The following PPIL3 variants were observed in gnomAD, a reference collection of about 807,000 sequenced individuals.
The protein encoded by PPIL3 is peptidyl-prolyl cis-trans isomerase-like 3.
A neutral mutation model predicts 20.9 loss-of-function variants in PPIL3; 13 were observed. The ratio of observed to expected loss-of-function variants is 0.62; its 90% CI spans 0.40 to 0.99. The LOEUF (loss-of-function observed/expected upper bound fraction) is 0.99, where lower values mean the gene tolerates loss of function less well. Ranked by LOEUF, PPIL3 falls within the 50% of genes least tolerant of loss-of-function variation. The pLI is 0.00. For synonymous variants in PPIL3, 71 were observed against 64.4 expected (o/e 1.10, Z -0.49); for missense variants, 170 against 195.2 (o/e 0.87, Z 0.77).
intron 3 of PPIL3, chr2:200,884,768 TTAATA>T (rs1310187523): frequency 6.6e-6 from 1 of 151,676 alleles, no homozygotes; most frequent in Non-Finnish European, 1.5e-5. Context: ...CAACAATTCT[TTAATA>T]TAATATCCTG....
At position 200,871,283 on chromosome 2, in the gene PPIL3, T is replaced by C. The variant is rs1357114905; in HGVS notation, c.*112A>G. On this transcript the variant is annotated 3_prime_UTR_variant, in exon 7 of 7. Coordinates refer to ENST00000392283, the MANE Select transcript of PPIL3 (RefSeq NM_130906.3). ...GGTACCACCATTTCATAGAAGATCA[T>C]AGTTGTAAACAAGCAGAAGGATGAT... 5 of 1,165,186 alleles carry C rather than the reference T, an allele frequency of 4.3e-6. No homozygotes were observed. Among genetic ancestry groups the C allele is most frequent in the South Asian group, 3.7e-5 (2 of 54,620 alleles). 72.2% of individuals were successfully genotyped at this position (1,165,186 alleles called of 1,614,324 possible).
chr2:200,888,478 T>C (rs2040056010), intron 1 of PPIL3: 2 of 159,490 alleles, frequency 1.3e-5, no homozygotes, highest in African/African-American at 4.8e-5. Flanking sequence ...TGAACTTTTT[T>C]TTTTCCACCA....
chr2:200,885,346 G>T, intron 3 of PPIL3: 1 of 361,070 alleles, frequency 2.8e-6, no homozygotes, highest in South Asian at 1.4e-4. Flanking sequence ...ACTCCAGCCT[G>T]GGGGACACAG....
chr2:200,888,123 T>TC (rs2040034299), intron 1 of PPIL3, among the ~76,000 whole-genome samples: 1 of 150,324 alleles, frequency 6.7e-6, no homozygotes, highest in African/African-American at 2.5e-5. Context: ...ATAGAAGATA[T>TC]CCTACCCGAT....
intron 2 of PPIL3, among the ~76,000 whole-genome samples, chr2:200,886,601 T>C (rs2039945899): frequency 6.6e-6 from 1 of 152,084 alleles, no homozygotes. Context: ...AATTTTTGTA[T>C]TTTTAGTAGA....
At position 200,881,160 on chromosome 2, in the gene PPIL3, T is replaced by G. The variant is rs536381471; in HGVS notation, c.240+261A>C. Among the ~76,000 whole-genome samples the G allele has an allele frequency of 8.5e-5, 13 of 152,322 alleles. No homozygotes were observed. The East Asian group carries it at 2.5e-3, about 29-fold the overall frequency. ...ATATTAAGTCTCTTTGGTACACTAC[T>G]AGTTAAACATTTCAGGTTAGATTCA... is the stretch of plus-strand genomic sequence containing the variant. On this transcript the variant is annotated intron_variant, in intron 5 of 6. Coordinates refer to ENST00000392283, the MANE Select transcript of PPIL3 (RefSeq NM_130906.3).
Position 200,881,479 on chromosome 2 carries a change from C to T in PPIL3, c.182G>A (p.Arg61Lys). Residue 61 changes from arginine to lysine, a missense_variant, in exon 5 of 7, where the codon AGA becomes AAA. By Grantham distance (26) the Arg-to-Lys change is conservative (BLOSUM62 2). Transcript: ENST00000392283. ...VQTGDPTGTG[R>K]GGNSIWGKKF... ...CTTGCCCCAAATACTGTTGCCTCCT[C>T]TTCCAGTTCCTACATTACAAGTGAA... The T allele has an allele frequency of 6.2e-7, 1 of 1,612,522 alleles. No individual in the cohort carries two copies. Among genetic ancestry groups the T allele is most frequent in the Non-Finnish European group, 8.5e-7 (1 of 1,179,122 alleles).
At chr2:200,888,908 C>G (rs2040087890) in intron 1 of PPIL3, 48 bp downstream of exon 1, 1 of 471,066 alleles carries the variant, frequency 2.1e-6, no homozygotes, top group Non-Finnish European at 4.4e-6. Context: ...CAGAACTCAG[C>G]AAGCATTCGA....
chr2:200,875,546 G>A (rs540208526), intron 6 of PPIL3, among the ~76,000 whole-genome samples: 2 of 151,488 alleles, frequency 1.3e-5, no homozygotes, highest in East Asian at 3.9e-4. Context: ...GATTACAGGT[G>A]TGAGCCACCG....
chr2:200,871,889 T>C (rs1482610808), intron 6 of PPIL3, among the ~76,000 whole-genome samples: 32 of 152,222 alleles, frequency 2.1e-4, no homozygotes, highest in Non-Finnish European at 1.5e-5. Flanking sequence ...ATGTGTGGGT[T>C]TTCCCAGTTC....
intron 2 of PPIL3, 105 bp from the exon 3 acceptor site, chr2:200,885,877 CAG>C (rs2039920173): frequency 3.0e-6 from 2 of 667,906 alleles, no homozygotes; most frequent in Non-Finnish European, 5.0e-6. Context: ...TGAATAAAAA[CAG>C]ACAGAAATAC....
At position 200,885,783 on chromosome 2, in the gene PPIL3, G is replaced by A. The variant is rs752237037; in HGVS notation, c.4-11C>T. 3 of 1,483,188 alleles carry A rather than the reference G, an allele frequency of 2.0e-6. No individual in the cohort carries two copies. The highest frequency in any genetic ancestry group is 1.9e-5 in the Admixed American group (1 of 52,776). The allele number at this position is 1,483,188 out of a possible 1,614,324, so 91.9% of individuals were successfully genotyped here. A position where few individuals can be genotyped will look rare whatever the true frequency, so the allele number is the denominator to read the frequency against. ...ATGCAGTGTCACAGACTAAAAAGGA[G>A]AGAAAATGTGAGAACAAATGAAATT... On this transcript the variant is annotated splice_polypyrimidine_tract_variant and intron_variant, in intron 2 of 6. Transcript: ENST00000392283.
In PPIL3 at chr2:200,887,697, AG is replaced by A; in HGVS notation, c.-70-13del. The A allele has an allele frequency of 8.7e-7, 1 of 1,155,810 alleles. No individual in the cohort carries two copies. The highest frequency in any genetic ancestry group is 1.2e-6 in the Non-Finnish European group (1 of 804,942). 71.6% of individuals were successfully genotyped at this position (1,155,810 alleles called of 1,614,324 possible). A position where few individuals can be genotyped will look rare whatever the true frequency, so the allele number is the denominator to read the frequency against. ...TCAAAAATAAGTCTCTAGTCCCAAA[AG>A]AAAAAAAGAATTAGGCTCATTTTCC... On this transcript the variant is annotated splice_polypyrimidine_tract_variant and intron_variant, in intron 1 of 6. Transcript: ENST00000392283.
intron 5 of PPIL3, among the ~76,000 whole-genome samples, chr2:200,879,137 TA>T (rs1304122610): frequency 1.1e-3 from 168 of 152,054 alleles, no homozygotes; most frequent in African/African-American, 3.8e-3. Context: ...TTTTTTTTTT[TA>T]GACGGAGTCT....
At chr2:200,874,041 TA>T (rs563772896) in intron 6 of PPIL3, among the ~76,000 whole-genome samples, 2,466 of 151,248 alleles carry the variant, frequency 0.016, 29 homozygotes, top group Non-Finnish European at 0.026. Flanking sequence ...CCGTCTCTAC[TA>T]AAAATACAAA....
At chr2:200,889,132 T>A, upstream of PPIL3, 1 of 444,094 alleles carries the variant, frequency 2.3e-6, no homozygotes. Context: ...TCCCCTCATC[T>A]TCCTATCTCA....
chr2:200,874,430 T>G (rs1365877584), intron 6 of PPIL3, among the ~76,000 whole-genome samples: 1 of 152,060 alleles, frequency 6.6e-6, no homozygotes, highest in South Asian at 2.1e-4. Context: ...CAGGTAGAAC[T>G]GAGGCAGTTA....
chr2:200,881,625 C>A, intron 4 of PPIL3, 137 bp from the exon 5 acceptor site: 1 of 627,104 alleles, frequency 1.6e-6, no homozygotes, highest in Non-Finnish European at 2.6e-6. Context: ...TCCTAATTCC[C>A]CAAATTTAAC....
intron 5 of PPIL3, among the ~76,000 whole-genome samples, chr2:200,880,238 C>A (rs2039673295): frequency 6.6e-6 from 1 of 151,948 alleles, no homozygotes. Context: ...CAGAACAAGA[C>A]CCTGTCTCTA....
Sources: allele counts gnomAD v4.1 joint callset (sites outside exome capture counted in the v4.1 genomes callset), GRCh38; gene constraint gnomAD v4.1.1; transcripts MANE v1.5; gene names NCBI Gene and HGNC (gene_info 2026-07-23, HGNC 2026-07-21).